RPTOR: variants seen among roughly 807,000 people sequenced by gnomAD.
RPTOR encodes the protein regulatory-associated protein of mTOR.
RPTOR carries 21 observed loss-of-function variants against 169.9 expected under a neutral mutation model. That is an observed-to-expected ratio of 0.12 (90% CI 0.09 to 0.18). The LOEUF is 0.18. Among genes scored for constraint, RPTOR ranks in the 10% least tolerant of loss-of-function variants. The probability of loss-of-function intolerance (pLI) is 1.00; values close to 1 mark genes in which losing one functional copy is unlikely to be tolerated. For missense variants in RPTOR, 1,133 were observed against 1,855.9 expected (o/e 0.61, Z 7.16); for synonymous variants, 732 against 753.2 (o/e 0.97, Z 0.46).
chr17:80,554,148 C>G (rs2084378211), intron 1 of RPTOR, among the ~76,000 whole-genome samples: 1 of 152,106 alleles, frequency 6.6e-6, no homozygotes, highest in Non-Finnish European at 1.5e-5. Context: ...GCCTCAGCCT[C>G]CTGAGTCGCT....
chr17:80,827,235 G>C (rs928620578), intron 9 of RPTOR, among the ~76,000 whole-genome samples: 1 of 152,206 alleles, frequency 6.6e-6, no homozygotes, highest in Non-Finnish European at 1.5e-5. Context: ...GCCACTTGTG[G>C]GAAATAGAAT....
At position 80,949,566 on chromosome 17, in the gene RPTOR, T is replaced by C. The variant is rs2144065653; in HGVS notation, c.3370+19T>C. On this transcript the variant is annotated intron_variant, in intron 28 of 33. Transcript: ENST00000306801. The stretch of plus-strand genomic sequence containing the variant: ...ACGCGAGGTGGGTCCGCCCGGCTCC[T>C]CCCCAGAGCAGAATGTGTTCCCGGG... The C allele has an allele frequency of 6.2e-7, 1 of 1,601,122 alleles. No homozygotes were observed. The highest frequency in any genetic ancestry group is 1.3e-5 in the African/African-American group (1 of 74,792).
intron 11 of RPTOR, among the ~76,000 whole-genome samples, chr17:80,853,131 C>CAGT (rs1227406402): frequency 1.3e-5 from 2 of 152,174 alleles, no homozygotes; most frequent in Non-Finnish European, 2.9e-5. Context: ...CACACTGGAC[C>CAGT]AGTCACTGCT....
chr17:80,755,287 C>T (rs2066669272), intron 6 of RPTOR, among the ~76,000 whole-genome samples: 1 of 152,150 alleles, frequency 6.6e-6, no homozygotes, highest in African/African-American at 2.4e-5. Flanking sequence ...TAGTGTTACT[C>T]ACCCCAAAAT....
At chr17:80,556,021 T>C (rs2084403468) in intron 1 of RPTOR, among the ~76,000 whole-genome samples, 1 of 150,870 alleles carries the variant, frequency 6.6e-6, no homozygotes, top group South Asian at 2.1e-4. Flanking sequence ...TCTAAAAAGT[T>C]TTTTGTTTTT....
At chr17:80,757,323 G>A (rs556454704) in intron 6 of RPTOR, among the ~76,000 whole-genome samples, 156 of 152,278 alleles carry the variant, frequency 1.0e-3, no homozygotes, top group Non-Finnish European at 2.1e-3. Flanking sequence ...CCAGTGAGGC[G>A]GAAGACCCTC....
intron 1 of RPTOR, among the ~76,000 whole-genome samples, chr17:80,560,980 C>T (rs975056563): frequency 4.6e-5 from 7 of 152,156 alleles, no homozygotes; most frequent in East Asian, 1.9e-4. Flanking sequence ...AGATCCTGAC[C>T]GGCTTATAAG....
intron 19 of RPTOR, 112 bp from the exon 20 acceptor site, chr17:80,893,595 G>C (rs1264959669): frequency 1.4e-6 from 2 of 1,381,890 alleles, no homozygotes; most frequent in Non-Finnish European, 9.7e-7. Flanking sequence ...TTTGTGCCTG[G>C]GTGTGCTGAG....
At chr17:80,955,856 C>T (rs1021421140) in intron 28 of RPTOR, among the ~76,000 whole-genome samples, 3 of 152,138 alleles carry the variant, frequency 2.0e-5, no homozygotes, top group African/African-American at 7.2e-5. Context: ...CTTCTCCACC[C>T]GCAAGGACAC....
intron 5 of RPTOR, among the ~76,000 whole-genome samples, chr17:80,732,885 T>C (rs1048616807): frequency 6.6e-6 from 1 of 152,260 alleles, no homozygotes; most frequent in Non-Finnish European, 1.5e-5. Context: ...TTTGTAAATT[T>C]ACAATATGTT....
At chr17:80,834,397 C>G (rs572679594) in intron 9 of RPTOR, among the ~76,000 whole-genome samples, 1 of 152,334 alleles carries the variant, frequency 6.6e-6, no homozygotes, top group East Asian at 1.9e-4. Flanking sequence ...CGGCCCCGAG[C>G]AGCCTCCGTG....
rs567753901 is a variant in RPTOR, at chr17:80,707,622, G to C, written c.349-219G>C. Among the ~76,000 whole-genome samples the C allele has an allele frequency of 1.3e-5, 2 of 151,964 alleles. No individual in the cohort carries two copies. Among genetic ancestry groups the C allele is most frequent in the Admixed American group, 6.5e-5 (1 of 15,288 alleles). On this transcript the variant is annotated intron_variant, in intron 3 of 33. Transcript: ENST00000306801. This position sits in a 1 kb window ranked among gnomAD's most constrained non-coding sequence, Gnocchi z 5.0. ...GCCCAGGCTGATCTTGAGCTCCCGG[G>C]CTCAACCAGTTCTCCCACCTTGGCC...
At chr17:80,813,994 G>A (rs192424736) in intron 7 of RPTOR, among the ~76,000 whole-genome samples, 192 of 152,278 alleles carry the variant, frequency 1.3e-3, no homozygotes, top group African/African-American at 4.3e-3. Context: ...AATTAGCTAC[G>A]TGTGGTGGCA....
chr17:80,642,313 C>T (rs551887813), intron 2 of RPTOR, among the ~76,000 whole-genome samples: 93 of 152,062 alleles, frequency 6.1e-4, no homozygotes, highest in Non-Finnish European at 1.1e-3. Context: ...TCAGAAGAGA[C>T]GGAGTTTCAT....
At chr17:80,745,363 G>A (rs2066562026) in intron 5 of RPTOR, among the ~76,000 whole-genome samples, 1 of 152,180 alleles carries the variant, frequency 6.6e-6, no homozygotes. Flanking sequence ...GCAGGCTGGA[G>A]GCTTCTGCAC....
rs1226891949 is a variant in RPTOR at position 80,651,324 on chromosome 17, G to T, written c.348+7514G>T. Among the ~76,000 whole-genome samples, 2 of 152,202 alleles carry T rather than the reference G, an allele frequency of 1.3e-5. No individual in the cohort carries two copies. The highest frequency in any genetic ancestry group is 1.3e-4 in the Admixed American group (2 of 15,288). ...GGAAGAGTTGTAAAATCCTGCTCCA[G>T]CCAAATTGGAAAGTGCTGATCAAGG... On this transcript the variant is annotated intron_variant, in intron 3 of 33. Coordinates refer to ENST00000306801, the MANE Select transcript of RPTOR (RefSeq NM_020761.3). The surrounding 1 kb of genome is among the most constrained non-coding windows in gnomAD (Gnocchi z 4.1).
chr17:80,782,107 T>A (rs1462950367), intron 6 of RPTOR, among the ~76,000 whole-genome samples: 1 of 152,214 alleles, frequency 6.6e-6, no homozygotes, highest in Non-Finnish European at 1.5e-5. Flanking sequence ...GTGTTTCACA[T>A]AGGGTCAGCT....
At chr17:80,816,278 G>T (rs913399203) in intron 7 of RPTOR, among the ~76,000 whole-genome samples, 1 of 152,362 alleles carries the variant, frequency 6.6e-6, no homozygotes, top group East Asian at 1.9e-4. Context: ...TGGCTGCAGG[G>T]TGCCGCAGAG....
At chr17:80,784,781 C>G (rs1319997428) in intron 6 of RPTOR, among the ~76,000 whole-genome samples, 1 of 151,910 alleles carries the variant, frequency 6.6e-6, no homozygotes, top group Non-Finnish European at 1.5e-5. Flanking sequence ...TCACTGCAAC[C>G]TCCGCCTCCC....
Sources: allele counts gnomAD v4.1 joint callset (sites outside exome capture counted in the v4.1 genomes callset), GRCh38; gene constraint gnomAD v4.1.1; non-coding constraint Gnocchi (gnomAD v3.1); transcripts MANE v1.5; gene names NCBI Gene and HGNC (gene_info 2026-07-23, HGNC 2026-07-21).